The following PALS1 variants were observed in gnomAD, a reference collection of about 807,000 sequenced individuals.
PALS1 encodes protein associated with LIN7 1, MAGUK p55 family member.
In PALS1, 31 loss-of-function variants were observed where a neutral mutation model predicts 78.9. The observed-to-expected ratio is 0.39, with a 90% CI of 0.30 to 0.53. The LOEUF (loss-of-function observed/expected upper bound fraction) is 0.53, where lower values mean the gene tolerates loss of function less well. PALS1 is among the 20% of genes least tolerant of loss of function. PALS1 has a pLI of 0.67. For missense variants in PALS1, 704 were observed against 826.5 expected, an observed-to-expected ratio of 0.85 and a Z score of 1.82; for synonymous variants, 276 against 270.9, an observed-to-expected ratio of 1.02 and a Z score of -0.18.
chr14:67,294,363 C>G (rs552867931), intron 4 of PALS1: 1 of 151,882 alleles, frequency 6.6e-6, no homozygotes, highest in Admixed American at 6.6e-5. Context: ...ATAACAAAAT[C>G]GTAAAGGTTA....
chr14:67,335,429 TA>T lies in PALS1; in HGVS notation c.*2475del, dbSNP rs2085515539. 3 of 152,362 alleles carry T rather than the reference TA, an allele frequency of 2.0e-5. No individual in the cohort carries two copies. Among genetic ancestry groups the T allele is most frequent in the African/African-American group, 7.2e-5 (3 of 41,458 alleles). The allele number at this position is 152,362 out of a possible 1,614,324, so 9.4% of individuals were successfully genotyped here. ...TTAATATAGAAATGATATCAATAAC[TA>T]ATGCTATGTACTTGGAAAATCCAAA... On this transcript the variant is annotated 3_prime_UTR_variant, in exon 15 of 15. Transcript: ENST00000261681.
intron 2 of PALS1, chr14:67,272,089 T>C (rs2084417194): frequency 1.3e-5 from 2 of 152,034 alleles, no homozygotes; most frequent in Admixed American, 6.6e-5. Flanking sequence ...AAGGATCCTG[T>C]CTTAATAACC....
intron 8 of PALS1, among the ~76,000 whole-genome samples, chr14:67,307,274 G>T (rs1247987106): frequency 6.6e-6 from 1 of 151,568 alleles, no homozygotes; most frequent in Non-Finnish European, 1.5e-5. Flanking sequence ...GGATTTCCCA[G>T]ACTAGTTTGT....
chr14:67,323,812 G>A lies in PALS1; in HGVS notation c.1851G>A (p.Lys617=), dbSNP rs753897094. The A allele has an allele frequency of 2.6e-6, 4 of 1,517,688 alleles. No homozygotes were observed. Among genetic ancestry groups the A allele is most frequent in the Non-Finnish European group, 3.6e-6 (4 of 1,105,648 alleles). The allele number at this position is 1,517,688 out of a possible 1,614,324, so 94.0% of individuals were successfully genotyped here. A position where few individuals can be genotyped will look rare whatever the true frequency, so the allele number is the denominator to read the frequency against. The change falls in exon 14 of 15, where the codon AAG becomes AAA. Residue 617 remains lysine, a splice_region_variant and synonymous_variant. Coordinates refer to ENST00000261681, the MANE Select transcript of PALS1 (RefSeq NM_022474.4). ...ALLAKEGKNP[K]PEELREIIEK... The stretch of plus-strand genomic sequence containing the variant: ...TGGCCAAAGAAGGCAAGAATCCAAA[G>A]GTAAAGTTTTCACACTATTGTACTA...
intron 9 of PALS1, among the ~76,000 whole-genome samples, chr14:67,315,994 C>T (rs2085168284): frequency 6.6e-6 from 1 of 152,218 alleles, no homozygotes; most frequent in African/African-American, 2.4e-5. Context: ...TTTGTTAGTA[C>T]ACTTACGAAA....
At chr14:67,297,230 T>C (rs2084869502) in intron 4 of PALS1, among the ~76,000 whole-genome samples, 3 of 152,160 alleles carry the variant, frequency 2.0e-5, no homozygotes, top group Admixed American at 2.0e-4. Flanking sequence ...GTATTCAACA[T>C]TTTTTGGCAG....
chr14:67,302,803 ATCAGTAATATAACTCATTAATTCAC>A (rs374055074), intron 7 of PALS1, among the ~76,000 whole-genome samples: 4,571 of 152,148 alleles, frequency 0.03, 86 homozygotes, highest in Non-Finnish European at 0.036. Flanking sequence ...TTTTTCTGGA[ATCAGTAATATAACTCATTAATTCAC>A]TCAGTACATA....
intron 14 of PALS1, among the ~76,000 whole-genome samples, chr14:67,326,660 A>G (rs1465449626): frequency 6.6e-6 from 1 of 152,002 alleles, no homozygotes; most frequent in Non-Finnish European, 1.5e-5. Flanking sequence ...GCAACCACTA[A>G]TCTGCTTTCT....
At chr14:67,246,618 G>A (rs1054759318) in intron 1 of PALS1, among the ~76,000 whole-genome samples, 1 of 151,020 alleles carries the variant, frequency 6.6e-6, no homozygotes, top group Non-Finnish European at 1.5e-5. Flanking sequence ...TAGGATTACA[G>A]GTGTTAGCCA....
intron 14 of PALS1, among the ~76,000 whole-genome samples, chr14:67,332,394 A>C (rs2085463864): frequency 6.6e-6 from 1 of 152,212 alleles, no homozygotes; most frequent in Admixed American, 6.5e-5. Context: ...CTCCAACCAG[A>C]AAGGTTCACT....
intron 14 of PALS1, among the ~76,000 whole-genome samples, chr14:67,332,174 A>G (rs1302987743): frequency 6.6e-6 from 1 of 152,188 alleles, no homozygotes; most frequent in African/African-American, 2.4e-5. Flanking sequence ...CATGTGCCTG[A>G]TAATTAGAGG....
chr14:67,265,812 G>A (rs1394367402), intron 1 of PALS1, among the ~76,000 whole-genome samples: 3 of 141,962 alleles, frequency 2.1e-5, no homozygotes, highest in African/African-American at 5.3e-5. Flanking sequence ...AGCCAAAATC[G>A]CGCCACTGCA....
At position 67,317,395 on chromosome 14, in the gene PALS1, G is replaced by T; in HGVS notation, c.1298-13G>T. 6.2e-7 allele frequency: 1 copy of T among 1,604,242 alleles called. No homozygotes were observed. Among genetic ancestry groups the T allele is most frequent in the South Asian group, 1.1e-5 (1 of 89,728 alleles). On this transcript the variant is annotated splice_polypyrimidine_tract_variant and intron_variant, in intron 10 of 14. Coordinates refer to ENST00000261681, the MANE Select transcript of PALS1 (RefSeq NM_022474.4). ...GGAACACATTTATAGTTATGTTTATGATTGCTCAACAGGAAAACTGTGGTG... is the reference window on the plus strand; with the variant it reads ...GGAACACATTTATAGTTATGTTTATTATTGCTCAACAGGAAAACTGTGGTG...
intron 3 of PALS1, among the ~76,000 whole-genome samples, chr14:67,288,018 A>C (rs1020714362): frequency 6.6e-6 from 1 of 152,150 alleles, no homozygotes; most frequent in Non-Finnish European, 1.5e-5. Context: ...TGTTGATTTC[A>C]GTCAGTGGTG....
At chr14:67,327,855 A>G (rs536972299) in intron 14 of PALS1, among the ~76,000 whole-genome samples, 19 of 152,332 alleles carry the variant, frequency 1.2e-4, no homozygotes, top group African/African-American at 4.3e-4. Context: ...TCCATGGTGT[A>G]TATGTGCCAC....
intron 1 of PALS1, among the ~76,000 whole-genome samples, chr14:67,245,954 A>G (rs2083981026): frequency 6.6e-6 from 1 of 151,942 alleles, no homozygotes; most frequent in African/African-American, 2.4e-5. Context: ...GAGAAGTACA[A>G]GTTGTTTCAC....
intron 1 of PALS1, among the ~76,000 whole-genome samples, chr14:67,256,420 GT>G (rs530716567): frequency 1.3e-5 from 2 of 152,110 alleles, no homozygotes; most frequent in South Asian, 4.1e-4. Flanking sequence ...AAAAAAACAA[GT>G]GAAAAGAAAC....
At position 67,279,256 on chromosome 14, in the gene PALS1, A is replaced by G; in HGVS notation, c.86A>G (p.His29Arg). The change falls in exon 3 of 15, where the codon CAT (histidine) becomes CGT (arginine). Residue 29 changes from histidine to arginine, a missense_variant. By Grantham distance (29) the His-to-Arg change is conservative. Coordinates refer to ENST00000261681, the MANE Select transcript of PALS1 (RefSeq NM_022474.4). ...KNVDLASPEE[H>R]QKHREMAVDC... is the part of the protein sequence containing the mutation. ...GTTGATCTTGCATCACCAGAGGAAC[A>G]TCAGAAGCACCGAGAGATGGCTGTT... The G allele has an allele frequency of 1.2e-6, 2 of 1,614,062 alleles. No individual in the cohort carries two copies. The highest frequency in any genetic ancestry group is 8.5e-7 in the Non-Finnish European group (1 of 1,179,992).
In PALS1 at chr14:67,333,000, A is replaced by AGTAGGAGG; in HGVS notation, c.*44_*45insGTAGGAGG. On this transcript the variant is annotated 3_prime_UTR_variant, in exon 15 of 15. Coordinates refer to ENST00000261681, the MANE Select transcript of PALS1 (RefSeq NM_022474.4). ...GGCATGTTGGACTTGATCTGGCAAA[A>AGTAGGAGG]ACTGCCAATAGGAGGACTGCCCGAC... is the stretch of plus-strand genomic sequence containing the variant. 1 of 1,560,042 alleles carries AGTAGGAGG rather than the reference A, an allele frequency of 6.4e-7. No homozygotes were observed.
Sources: allele counts gnomAD v4.1 joint callset (sites outside exome capture counted in the v4.1 genomes callset), GRCh38; gene constraint gnomAD v4.1.1; transcripts MANE v1.5; gene names NCBI Gene and HGNC (gene_info 2026-07-23, HGNC 2026-07-21).